Variants in ADGRB3 observed in about 807,000 individuals in gnomAD.
ADGRB3 encodes brain-specific angiogenesis inhibitor 3.
In ADGRB3, 37 loss-of-function variants were observed where a neutral mutation model predicts 193.4. That is an observed-to-expected ratio of 0.19 (90% CI 0.15 to 0.25). The LOEUF is 0.25. Among genes scored for constraint, ADGRB3 ranks in the 10% least tolerant of loss-of-function variants. ADGRB3 has a pLI of 1.00. For synonymous variants in ADGRB3, 690 were observed against 644.2 expected (o/e 1.07, Z -1.08); for missense variants, 1,637 against 1,852.9 (o/e 0.88, Z 2.14).
chr6:69,226,701 T>TTGAGG (rs1225694608), intron 17 of ADGRB3, among the ~76,000 whole-genome samples: 1 of 152,232 alleles, frequency 6.6e-6, no homozygotes, highest in Non-Finnish European at 1.5e-5. Flanking sequence ...AGCTATTAGG[T>TTGAGG]TGAGCTCAGC....
At chr6:68,858,755 C>T (rs908177036) in intron 3 of ADGRB3, among the ~76,000 whole-genome samples, 3 of 152,034 alleles carry the variant, frequency 2.0e-5, no homozygotes, top group Non-Finnish European at 4.4e-5. Context: ...ACATTGACCC[C>T]TTTCAGCTGC....
chr6:68,917,436 A>G (rs975659719), intron 3 of ADGRB3, among the ~76,000 whole-genome samples: 2 of 152,158 alleles, frequency 1.3e-5, no homozygotes, highest in African/African-American at 4.8e-5. Flanking sequence ...TTTATTTGTA[A>G]TCTTTCTTCT....
At chr6:69,345,996 C>T (rs1054555230) in intron 26 of ADGRB3, among the ~76,000 whole-genome samples, 2 of 152,082 alleles carry the variant, frequency 1.3e-5, no homozygotes, top group South Asian at 4.1e-4. Flanking sequence ...GAGTGAACTC[C>T]CATTTACAAT....
At chr6:68,650,857 A>C (rs1446675952) in intron 3 of ADGRB3, among the ~76,000 whole-genome samples, 1 of 152,164 alleles carries the variant, frequency 6.6e-6, no homozygotes, top group Non-Finnish European at 1.5e-5. Flanking sequence ...AAAAAAAATT[A>C]AAAGGCTGAC....
chr6:69,020,159 T>C (rs1770221836), intron 13 of ADGRB3, among the ~76,000 whole-genome samples: 1 of 152,038 alleles, frequency 6.6e-6, no homozygotes, highest in African/African-American at 2.4e-5. Context: ...TATTGTTTTC[T>C]TCTTCTTGTT....
chr6:69,046,201 T>C (rs570919889), intron 13 of ADGRB3, among the ~76,000 whole-genome samples: 1 of 152,214 alleles, frequency 6.6e-6, no homozygotes, highest in Non-Finnish European at 1.5e-5. Flanking sequence ...TATTCTCTTT[T>C]ATAATAGAAA....
chr6:69,215,783 G>C (rs1158893844), intron 17 of ADGRB3, among the ~76,000 whole-genome samples: 1 of 152,016 alleles, frequency 6.6e-6, no homozygotes, highest in Admixed American at 6.6e-5. Flanking sequence ...CTCCTCCCTT[G>C]GTTAAAACCA....
chr6:68,870,102 G>A (rs746124163), intron 3 of ADGRB3, among the ~76,000 whole-genome samples: 2 of 152,132 alleles, frequency 1.3e-5, no homozygotes, highest in Non-Finnish European at 2.9e-5. Flanking sequence ...CTTATAATGT[G>A]GAAGCCAAAC....
At chr6:69,232,519 TG>T in intron 17 of ADGRB3, 2 of 1,535,554 alleles carry the variant, frequency 1.3e-6, no homozygotes, top group South Asian at 2.4e-5. Flanking sequence ...CTAGCGGACT[TG>T]GGGTTAGCTT....
At chr6:69,067,609 C>A (rs990662466) in intron 16 of ADGRB3, among the ~76,000 whole-genome samples, 1 of 152,074 alleles carries the variant, frequency 6.6e-6, no homozygotes, top group African/African-American at 2.4e-5. Flanking sequence ...TCACAAAGGG[C>A]TGTTTGATAT....
Position 68,993,754 on chromosome 6 carries a change from T to C in ADGRB3, c.1735-14T>C, listed in dbSNP as rs1177539269. 2 of 1,607,094 alleles carry C rather than the reference T, an allele frequency of 1.2e-6. No individual in the cohort carries two copies. The highest frequency in any genetic ancestry group is 2.7e-5 in the African/African-American group (2 of 74,648). On this transcript the variant is annotated splice_polypyrimidine_tract_variant and intron_variant, in intron 10 of 31. Transcript: ENST00000370598. ...AAGATTCTGATGTTTGCTCTGTTCT[T>C]TTGACCATCACAGATTAAAGAGCAC...
At chr6:68,830,866 T>A (rs1244684769) in intron 3 of ADGRB3, among the ~76,000 whole-genome samples, 1 of 151,246 alleles carries the variant, frequency 6.6e-6, no homozygotes, top group African/African-American at 2.4e-5. Context: ...GTCTGCCACC[T>A]AATTTCGAAG....
intron 3 of ADGRB3, among the ~76,000 whole-genome samples, chr6:68,866,699 C>T (rs1054268750): frequency 6.6e-6 from 1 of 152,150 alleles, no homozygotes. Flanking sequence ...CAATGAAGTC[C>T]AGACTGAGAT....
chr6:69,105,745 A>G (rs1359127327), intron 17 of ADGRB3, among the ~76,000 whole-genome samples: 1 of 152,224 alleles, frequency 6.6e-6, no homozygotes, highest in Non-Finnish European at 1.5e-5. Context: ...CAGATGGAGT[A>G]GCATGCCCAA....
intron 3 of ADGRB3, among the ~76,000 whole-genome samples, chr6:68,649,314 C>T (rs1412708380): frequency 6.6e-6 from 1 of 152,068 alleles, no homozygotes; most frequent in Non-Finnish European, 1.5e-5. Flanking sequence ...ATAAGCATAA[C>T]TCTTTTGGAA....
intron 3 of ADGRB3, among the ~76,000 whole-genome samples, chr6:68,723,594 G>T (rs1328558617): frequency 1.3e-5 from 2 of 151,620 alleles, no homozygotes; most frequent in East Asian, 3.9e-4. Context: ...TTTTCCCAGG[G>T]GTGAGGATAA....
chr6:69,259,620 C>T (rs1037977034), intron 20 of ADGRB3, among the ~76,000 whole-genome samples: 6 of 141,112 alleles, frequency 4.3e-5, no homozygotes, highest in East Asian at 2.2e-4. Flanking sequence ...GGCATGAACT[C>T]GGGAGGCAGA....
chr6:69,312,519 C>A (rs1345172322), intron 20 of ADGRB3, among the ~76,000 whole-genome samples: 1 of 151,496 alleles, frequency 6.6e-6, no homozygotes, highest in African/African-American at 2.4e-5. Flanking sequence ...ATTGTCACAC[C>A]TAGAATTCCG....
intron 17 of ADGRB3, among the ~76,000 whole-genome samples, chr6:69,139,958 A>G (rs1774279265): frequency 6.6e-6 from 1 of 152,236 alleles, no homozygotes; most frequent in South Asian, 2.1e-4. Flanking sequence ...TTACTTCAAG[A>G]TAGTCTAATT....
Sources: allele counts gnomAD v4.1 joint callset (sites outside exome capture counted in the v4.1 genomes callset), GRCh38; gene constraint gnomAD v4.1.1; transcripts MANE v1.5; gene names NCBI Gene and HGNC (gene_info 2026-07-23, HGNC 2026-07-21).